ABITRAM: variants seen among roughly 807,000 people sequenced by gnomAD.
ABITRAM encodes the protein protein Abitram.
ABITRAM carries 19 observed loss-of-function variants against 22.9 expected under a neutral mutation model. The observed-to-expected ratio is 0.83, with a 90% CI of 0.58 to 1.22. ABITRAM has a LOEUF of 1.22. ABITRAM is among the 50% of genes most tolerant of loss of function. The pLI, the probability that ABITRAM is intolerant of heterozygous loss-of-function variation, is 0.00. For missense variants in ABITRAM, 215 were observed against 220.2 expected, an observed-to-expected ratio of 0.98 and a Z score of 0.15; for synonymous variants, 70 against 73.9, an observed-to-expected ratio of 0.95 and a Z score of 0.27.
chr9:108,943,120 CAT>C, downstream of ABITRAM: 1 of 1,329,542 alleles, frequency 7.5e-7, no homozygotes, highest in Non-Finnish European at 1.0e-6. Context: ...TTAGTTTTAA[CAT>C]GATAAAATTT....
At chr9:108,935,887 A>G (rs780853279) in intron 2 of ABITRAM, 198 bp downstream of exon 2, 38 of 572,632 alleles carry the variant, frequency 6.6e-5, no homozygotes, top group Non-Finnish European at 1.1e-4. Context: ...CACTCTGAAC[A>G]TATAAATTTG....
At chr9:108,950,568 T>G in exon 4 of ABITRAM, 1 of 1,550,374 alleles carries the variant, frequency 6.5e-7, no homozygotes, top group South Asian at 1.2e-5. Flanking sequence ...CCTCTAAGCT[T>G]GGGACTGCAT....
intron 1 of ABITRAM, among the ~76,000 whole-genome samples, chr9:108,935,163 C>T (rs538188306): frequency 1.3e-5 from 2 of 152,240 alleles, no homozygotes; most frequent in African/African-American, 4.8e-5. Flanking sequence ...AATGGTTATA[C>T]TCAGTTTAAA....
chr9:108,938,385 A>G (rs1587934940), intron 3 of ABITRAM, among the ~76,000 whole-genome samples: 1 of 152,334 alleles, frequency 6.6e-6, no homozygotes, highest in East Asian at 1.9e-4. Context: ...CCACTACAGG[A>G]AAAATTCATG....
chr9:108,950,586 A>G, exon 4 of ABITRAM: 1 of 1,550,070 alleles, frequency 6.5e-7, no homozygotes. Flanking sequence ...CATCTTCCCC[A>G]CTCTTAATCC....
At position 108,939,705 on chromosome 9, in the gene ABITRAM, A is replaced by T. The variant is rs1240400990; in HGVS notation, c.*19A>T. ...GTCATGAGGATTGACATGGAACAAA[A>T]AGCAAAGTGGGATTCTTGTTACCTG... On this transcript the variant is annotated 3_prime_UTR_variant, in exon 6 of 6. Coordinates refer to ENST00000322940, the MANE Select transcript of ABITRAM (RefSeq NM_017832.4). 1 of 1,612,518 alleles carries T rather than the reference A, an allele frequency of 6.2e-7. No homozygotes were observed. The highest frequency in any genetic ancestry group is 1.7e-5 in the Admixed American group (1 of 59,776).
rs1363331106 is a variant in ABITRAM, at chr9:108,934,432, C to G, written c.-55C>G. The G allele has an allele frequency of 1.3e-6, 2 of 1,489,310 alleles. No individual in the cohort carries two copies. Among genetic ancestry groups the G allele is most frequent in the Non-Finnish European group, 1.8e-6 (2 of 1,102,960 alleles). The allele number at this position is 1,489,310 out of a possible 1,614,324, so 92.3% of individuals were successfully genotyped here. On this transcript the variant is annotated 5_prime_UTR_variant, in exon 1 of 6. Coordinates refer to ENST00000322940, the MANE Select transcript of ABITRAM (RefSeq NM_017832.4). ...GGAAGAGCACGCCCAGTCCGGGCTGCGCGGAGGAAGCGCTGGGGTCCCGGA... is the reference window on the plus strand; with the variant it reads ...GGAAGAGCACGCCCAGTCCGGGCTGGGCGGAGGAAGCGCTGGGGTCCCGGA...
intron 2 of ABITRAM, 37 bp from the exon 3 acceptor site, chr9:108,936,271 C>T (rs370302809): frequency 1.3e-4 from 210 of 1,595,670 alleles, no homozygotes; most frequent in Non-Finnish European, 1.7e-4. Flanking sequence ...AAAATTATTC[C>T]AAGCAATCAC....
chr9:108,934,633 A>G, intron 1 of ABITRAM, 68 bp downstream of exon 1: 7 of 1,446,646 alleles, frequency 4.8e-6, no homozygotes, highest in Middle Eastern at 4.1e-4. Flanking sequence ...CTATGTTGAC[A>G]GATCATAAGC....
intron 3 of ABITRAM, among the ~76,000 whole-genome samples, chr9:108,950,168 C>T (rs1830519095): frequency 6.6e-6 from 1 of 152,154 alleles, no homozygotes; most frequent in Non-Finnish European, 1.5e-5. Context: ...ATTTTCATCA[C>T]CATGGAAATA....
chr9:108,936,692 G>A (rs1350141663), intron 3 of ABITRAM, among the ~76,000 whole-genome samples: 5 of 152,156 alleles, frequency 3.3e-5, no homozygotes, highest in African/African-American at 1.2e-4. Flanking sequence ...GAGGGGGAAG[G>A]CAGGCCTTTG....
In ABITRAM at chr9:108,950,671, T is replaced by C; in HGVS notation, c.*78T>C. 2.7e-6 allele frequency: 4 copies of C among 1,498,930 alleles called. No individual in the cohort carries two copies. In the South Asian group the frequency reaches 5.2e-5, roughly 20 times the overall value. 92.9% of individuals were successfully genotyped at this position (1,498,930 alleles called of 1,614,324 possible). Reference sequence around the variant, plus strand: ...CTGCTGCCTCACCTATCCCATCCCATAAAAGGAGGTGGATGCTCATCTTTT... The same window carrying C: ...CTGCTGCCTCACCTATCCCATCCCACAAAAGGAGGTGGATGCTCATCTTTT... On this transcript the variant is annotated 3_prime_UTR_variant, in exon 4 of 4. Coordinates refer to the ABITRAM transcript ENST00000374624.
At chr9:108,946,690 G>A (rs1830413854) in intron 3 of ABITRAM, among the ~76,000 whole-genome samples, 1 of 152,140 alleles carries the variant, frequency 6.6e-6, no homozygotes, top group Non-Finnish European at 1.5e-5. Context: ...GCTTTGCTTT[G>A]TTCACTTTTC....
intron 3 of ABITRAM, among the ~76,000 whole-genome samples, chr9:108,949,543 A>G (rs56376812): frequency 0.053 from 8,031 of 152,252 alleles, 326 homozygotes; most frequent in East Asian, 0.12. Context: ...CGCTATCTCT[A>G]CTAAAAATAC....
intron 3 of ABITRAM, among the ~76,000 whole-genome samples, chr9:108,950,303 A>T (rs1587943824): frequency 6.6e-6 from 1 of 152,220 alleles, no homozygotes; most frequent in South Asian, 2.1e-4. Context: ...TCAGATTTTA[A>T]AAAGGTATGA....
At chr9:108,938,488 C>G (rs1485571580) in intron 3 of ABITRAM, among the ~76,000 whole-genome samples, 1 of 152,172 alleles carries the variant, frequency 6.6e-6, no homozygotes, top group African/African-American at 2.4e-5. Context: ...GTATATCCAT[C>G]TAGTGGAGTA....
chr9:108,943,794 A>G, downstream of ABITRAM: 1 of 1,613,748 alleles, frequency 6.2e-7, no homozygotes, highest in Non-Finnish European at 8.5e-7. Context: ...CAGGAGAAGC[A>G]TAAGCTTGTC....
At chr9:108,935,954 G>A (rs1587933989) in intron 2 of ABITRAM, 1 of 529,714 alleles carries the variant, frequency 1.9e-6, no homozygotes, top group South Asian at 2.2e-5. Context: ...GAAGTGGCCA[G>A]TCTGTGCCCA....
At chr9:108,935,753 G>T (rs1343266907) in intron 2 of ABITRAM, 64 bp downstream of exon 2, 2 of 988,124 alleles carry the variant, frequency 2.0e-6, no homozygotes, top group South Asian at 1.3e-5. Flanking sequence ...AGCCTGGTAT[G>T]GTCTTGTGGT....
Sources: gnomAD v4.1 joint callset for allele counts (sites outside exome capture counted in the v4.1 genomes callset) on GRCh38, gnomAD v4.1.1 for gene constraint, MANE v1.5 for transcripts, NCBI Gene and HGNC (gene_info 2026-07-23, HGNC 2026-07-21) for gene names.